GFM1: variants seen among roughly 807,000 people sequenced by gnomAD.
The protein encoded by GFM1 is elongation factor G, mitochondrial.
GFM1 carries 62 observed loss-of-function variants against 96.2 expected under a neutral mutation model. The observed-to-expected ratio is 0.64, with a 90% CI of 0.53 to 0.80. The LOEUF is 0.80. Ranked by LOEUF, GFM1 falls within the 30% of genes least tolerant of loss-of-function variation. GFM1 has a pLI of 0.00. For synonymous variants in GFM1, 282 were observed against 312.9 expected (o/e 0.90, Z 1.04); for missense variants, 852 against 916.6 (o/e 0.93, Z 0.91).
In GFM1 at chr3:158,692,457, C is replaced by G. The variant is rs1726394205; in HGVS notation, c.*990C>G. 6.6e-6 allele frequency: 1 copy of G among 152,142 alleles called. No homozygotes were observed. Among genetic ancestry groups the G allele is most frequent in the African/African-American group, 2.4e-5 (1 of 41,426 alleles). 9.4% of individuals were successfully genotyped at this position (152,142 alleles called of 1,614,324 possible). On this transcript the variant is annotated 3_prime_UTR_variant, in exon 18 of 18. Coordinates refer to ENST00000486715, the MANE Select transcript of GFM1 (RefSeq NM_024996.7). ...TGTTTCCAGAAAAAGTTGGGCTTTC[C>G]CAAGCAGTTCTATTACCCGGTTCAG...
In GFM1 at chr3:158,692,382, T is replaced by C. The variant is rs1726389128; in HGVS notation, c.*915T>C. On this transcript the variant is annotated 3_prime_UTR_variant, in exon 18 of 18. Transcript: ENST00000486715. ...AGTTAAATTTGAATTCCTTGGAATT[T>C]ATCGTATATTGTATTCACTGAGATT... 6.6e-6 allele frequency: 1 copy of C among 152,238 alleles called. No homozygotes were observed. The highest frequency in any genetic ancestry group is 1.5e-5 in the Non-Finnish European group (1 of 68,046). The allele number at this position is 152,238 out of a possible 1,614,324, so 9.4% of individuals were successfully genotyped here.
Position 158,645,787 on chromosome 3 carries a change from T to TA in GFM1, c.234+7dup, listed in dbSNP as rs1283111960. Reference sequence around the variant, plus strand: ...GAATTGCAAAGATGCATGAGGTATATATTCACGGTTGATTCCGGATTAATT... The same window carrying TA: ...GAATTGCAAAGATGCATGAGGTATATAATTCACGGTTGATTCCGGATTAATT... On this transcript the variant is annotated splice_region_variant and intron_variant, in intron 2 of 17. Coordinates refer to ENST00000486715, the MANE Select transcript of GFM1 (RefSeq NM_024996.7). 1.2e-6 allele frequency: 2 copies of TA among 1,606,044 alleles called. No homozygotes were observed. The highest frequency in any genetic ancestry group is 2.7e-5 in the African/African-American group (2 of 74,918).
At chr3:158,670,500 G>A (rs754762836) in intron 13 of GFM1, among the ~76,000 whole-genome samples, 1 of 151,944 alleles carries the variant, frequency 6.6e-6, no homozygotes, top group African/African-American at 2.4e-5. Flanking sequence ...GTCTTTTTTT[G>A]TGTAGTTTGG....
Position 158,691,136 on chromosome 3 carries a change from C to T in GFM1, c.2071-3C>T, listed in dbSNP as rs753692211. ...CTAAAATATCTACTATGTTTGTTTT[C>T]AGGTCCCTCTAAATGATATGTTTGG... On this transcript the variant is annotated splice_polypyrimidine_tract_variant and splice_region_variant and intron_variant, in intron 16 of 17. Coordinates refer to ENST00000486715, the MANE Select transcript of GFM1 (RefSeq NM_024996.7). 22 of 1,604,358 alleles carry T rather than the reference C, an allele frequency of 1.4e-5. No homozygotes were observed. The highest frequency in any genetic ancestry group is 4.3e-6 in the Non-Finnish European group (5 of 1,171,410).
At chr3:158,644,936 G>T in intron 1 of GFM1, 6 of 483,552 alleles carry the variant, frequency 1.2e-5, no homozygotes, top group East Asian at 3.6e-5. Context: ...AACTAAAAGT[G>T]TCTGTCACTC....
intron 16 of GFM1, chr3:158,690,648 A>C (rs1017687052): frequency 2.8e-6 from 1 of 351,074 alleles, no homozygotes; most frequent in African/African-American, 2.1e-5. Context: ...CTTTATTTGC[A>C]TAATTACTTT....
intron 15 of GFM1, 138 bp from the exon 16 acceptor site, chr3:158,690,025 G>C (rs771406692): frequency 3.1e-5 from 22 of 719,456 alleles, no homozygotes; most frequent in Non-Finnish European, 5.3e-5. Flanking sequence ...GGAAAAATGA[G>C]TCTAGGTCGA....
At chr3:158,679,258 C>T (rs1309307694) in intron 13 of GFM1, among the ~76,000 whole-genome samples, 2 of 152,134 alleles carry the variant, frequency 1.3e-5, no homozygotes, top group African/African-American at 4.8e-5. Flanking sequence ...ACTACAGTAT[C>T]GTGTAAACAT....
chr3:158,672,121 T>C (rs537711845), intron 13 of GFM1, among the ~76,000 whole-genome samples: 2 of 152,312 alleles, frequency 1.3e-5, no homozygotes, highest in East Asian at 3.9e-4. Context: ...GTAAAAACTT[T>C]GTCTCTGCCT....
intron 5 of GFM1, among the ~76,000 whole-genome samples, chr3:158,651,738 G>A (rs1326279614): frequency 6.6e-6 from 1 of 152,126 alleles, no homozygotes; most frequent in Non-Finnish European, 1.5e-5. Context: ...AAATTGGGAA[G>A]ATTTTGTGTT....
chr3:158,681,467 C>CT (rs1725375828), intron 13 of GFM1, among the ~76,000 whole-genome samples: 1 of 152,188 alleles, frequency 6.6e-6, no homozygotes, highest in Non-Finnish European at 1.5e-5. Flanking sequence ...ATGTTAGTCT[C>CT]TATCGTTTTG....
At chr3:158,690,087 C>A in intron 15 of GFM1, 76 bp from the exon 16 acceptor site, 1 of 1,286,076 alleles carries the variant, frequency 7.8e-7, no homozygotes. Flanking sequence ...CATCATTTTT[C>A]TCCCTTTTTT....
chr3:158,648,815 T>C (rs1404146370), intron 4 of GFM1, among the ~76,000 whole-genome samples: 1 of 152,184 alleles, frequency 6.6e-6, no homozygotes, highest in East Asian at 1.9e-4. Flanking sequence ...AAAACAGTTA[T>C]TCTGGAGTTC....
At chr3:158,685,996 A>C (rs966189546) in intron 15 of GFM1, among the ~76,000 whole-genome samples, 1 of 151,948 alleles carries the variant, frequency 6.6e-6, no homozygotes, top group Admixed American at 6.6e-5. Context: ...TAGAGGTTAC[A>C]TAAAGCCAGA....
intron 8 of GFM1, among the ~76,000 whole-genome samples, chr3:158,654,867 A>G (rs1437517579): frequency 2.0e-5 from 3 of 152,144 alleles, no homozygotes; most frequent in Non-Finnish European, 4.4e-5. Context: ...AAATCATACT[A>G]CCTGTATAGT....
chr3:158,646,542 G>A (rs1309522704), intron 3 of GFM1, among the ~76,000 whole-genome samples: 1 of 152,146 alleles, frequency 6.6e-6, no homozygotes, highest in Admixed American at 6.5e-5. Context: ...GATTCTAAAG[G>A]TGCCTGTGCC....
chr3:158,691,213 C>G (rs1560147342), intron 17 of GFM1, 21 bp downstream of exon 17: 1 of 1,607,442 alleles, frequency 6.2e-7, no homozygotes, highest in Non-Finnish European at 8.5e-7. Context: ...TTAAACTTAC[C>G]CTTCAAAAGA....
intron 15 of GFM1, among the ~76,000 whole-genome samples, chr3:158,686,732 T>A (rs1447102699): frequency 2.9e-5 from 4 of 139,684 alleles, no homozygotes; most frequent in Admixed American, 7.2e-5. Flanking sequence ...TTTTTTTTTT[T>A]TTTTTTTTTT....
chr3:158,662,662 T>C lies in GFM1; in HGVS notation c.1358T>C (p.Ile453Thr). 1.3e-6 allele frequency: 2 copies of C among 1,597,922 alleles called. No homozygotes were observed. Among genetic ancestry groups the C allele is most frequent in the Non-Finnish European group, 1.7e-6 (2 of 1,165,732 alleles). ...CATGTTCCTGATCCTGTCATTTCAA[T>C]AGCAATGAAGCCTTCTAACAAGGTA... ...SIHVPDPVISIAMKPSNKNDL... is the reference protein window; with the variant it reads ...SIHVPDPVISTAMKPSNKNDL... The change falls in exon 11 of 18, where the codon ATA (isoleucine) becomes ACA (threonine). Residue 453 changes from isoleucine to threonine, a missense_variant. Ile to Thr is a moderately conservative substitution (Grantham distance 89, BLOSUM62 -1). Transcript: ENST00000486715.
Sources: gnomAD v4.1 joint callset for allele counts (sites outside exome capture counted in the v4.1 genomes callset) on GRCh38, gnomAD v4.1.1 for gene constraint, MANE v1.5 for transcripts, NCBI Gene and HGNC (gene_info 2026-07-23, HGNC 2026-07-21) for gene names.